LEF1: variants seen among roughly 807,000 people sequenced by gnomAD.
LEF1 encodes lymphoid enhancer-binding factor 1.
A neutral mutation model predicts 51.2 loss-of-function variants in LEF1; 14 were observed. The observed-to-expected ratio is 0.27, with a 90% confidence interval of 0.18 to 0.43. LEF1 has a LOEUF of 0.43. LEF1 is among the 20% of genes least tolerant of loss of function. The pLI is 1.00. For synonymous variants in LEF1, 185 were observed against 183.2 expected, an observed-to-expected ratio of 1.01 and a Z score of -0.08; for missense variants, 386 against 512.0, an observed-to-expected ratio of 0.75 and a Z score of 2.37.
chr4:108,069,181 C>A (rs1338052749), intron 9 of LEF1, among the ~76,000 whole-genome samples: 1 of 152,212 alleles, frequency 6.6e-6, no homozygotes, highest in Non-Finnish European at 1.5e-5. Context: ...CCTCACCAGA[C>A]ACCAAACCTG....
chr4:108,107,266 GTT>G (rs77205957), intron 3 of LEF1, among the ~76,000 whole-genome samples: 1 of 141,524 alleles, frequency 7.1e-6, no homozygotes, highest in African/African-American at 2.6e-5. Flanking sequence ...AGAGAAAGGT[GTT>G]TTTTTTTTTT....
chr4:108,064,655 TCACACACACACA>T (rs59828005), intron 9 of LEF1, among the ~76,000 whole-genome samples: 13 of 127,926 alleles, frequency 1.0e-4, no homozygotes, highest in South Asian at 2.9e-4. Context: ...TCTCTCTCAC[TCACACACACACA>T]CACACACACA....
chr4:108,161,320 A>C, intron 3 of LEF1, among the ~76,000 whole-genome samples: 1 of 152,260 alleles, frequency 6.6e-6, no homozygotes, highest in East Asian at 1.9e-4. Context: ...TGCAAACTGC[A>C]GAATATCTCA....
At chr4:108,158,934 A>T (rs1419956621) in intron 3 of LEF1, among the ~76,000 whole-genome samples, 2 of 152,108 alleles carry the variant, frequency 1.3e-5, no homozygotes, top group Non-Finnish European at 2.9e-5. Flanking sequence ...AATACTTCAA[A>T]AGCAAGATTT....
chr4:108,097,550 C>T (rs541622608), intron 3 of LEF1, among the ~76,000 whole-genome samples: 10 of 152,118 alleles, frequency 6.6e-5, no homozygotes, highest in South Asian at 4.2e-4. Context: ...AATAATTTAT[C>T]GTAAGTTTTA....
At chr4:108,127,812 C>T (rs1422584115) in intron 3 of LEF1, among the ~76,000 whole-genome samples, 1 of 152,114 alleles carries the variant, frequency 6.6e-6, no homozygotes, top group Non-Finnish European at 1.5e-5. Flanking sequence ...TTATGGGAAA[C>T]AGAAATTTAA....
At chr4:108,088,894 T>C (rs1410553821) in intron 4 of LEF1, among the ~76,000 whole-genome samples, 1 of 152,206 alleles carries the variant, frequency 6.6e-6, no homozygotes, top group Non-Finnish European at 1.5e-5. Context: ...TTTTCATTCA[T>C]TGTGGCCCTG....
chr4:108,062,509 G>A (rs1737763221), intron 11 of LEF1, among the ~76,000 whole-genome samples: 1 of 152,156 alleles, frequency 6.6e-6, no homozygotes. Flanking sequence ...GTGACTGGGG[G>A]CAAAGCTACA....
chr4:108,142,489 T>C (rs1314150015), intron 3 of LEF1, among the ~76,000 whole-genome samples: 1 of 152,240 alleles, frequency 6.6e-6, no homozygotes, highest in Non-Finnish European at 1.5e-5. Context: ...ACTAGTATCC[T>C]ATTTCTTAAA....
intron 3 of LEF1, among the ~76,000 whole-genome samples, chr4:108,157,148 T>TTCTCTC (rs141657105): frequency 6.3e-4 from 74 of 117,874 alleles, no homozygotes; most frequent in African/African-American, 2.2e-3. Flanking sequence ...TACCTCTTCA[T>TTCTCTC]TCTCTCTCTC....
At chr4:108,079,375 G>T (rs1739131545) in intron 7 of LEF1, 117 bp downstream of exon 7, 2 of 1,128,732 alleles carry the variant, frequency 1.8e-6, no homozygotes, top group African/African-American at 1.6e-5. Context: ...CAAGGCAGAG[G>T]TGCATTGAGT....
At position 108,167,351 on chromosome 4, in the gene LEF1, TACACACACACACACACACACACACAC is replaced by T. The variant is rs35000095; in HGVS notation, c.213+178_213+203del. Among the ~76,000 whole-genome samples the T allele has an allele frequency of 7.6e-6, 1 of 131,694 alleles. No homozygotes were observed. Among genetic ancestry groups the T allele is most frequent in the South Asian group, 2.8e-4 (1 of 3,546 alleles). The allele number at this position is 131,694 out of a possible 152,430, so 86.4% of individuals were successfully genotyped here. A position where few individuals can be genotyped will look rare whatever the true frequency, so the allele number is the denominator to read the frequency against. The stretch of plus-strand genomic sequence containing the variant: ...TACCCTGCCCCTCTACCTCCCATCC[TACACACACACACACACACACACACAC>T]ACACACACACACACACACTGCGGAC... On this transcript the variant is annotated intron_variant, in intron 1 of 11. Transcript: ENST00000265165. The surrounding 1 kb of genome is among the most constrained non-coding windows in gnomAD (Gnocchi z 5.7).
chr4:108,166,840 G>C (rs996587364), intron 1 of LEF1: 25 of 985,132 alleles, frequency 2.5e-5, no homozygotes, highest in African/African-American at 3.5e-5. Flanking sequence ...GAGAAAACTA[G>C]AGTTGGGGGC....
chr4:108,107,847 C>G (rs1180598887), intron 3 of LEF1, among the ~76,000 whole-genome samples: 4 of 152,012 alleles, frequency 2.6e-5, no homozygotes, highest in Non-Finnish European at 5.9e-5. Context: ...GAACAACAGA[C>G]AGAAAACCTA....
chr4:108,165,060 T>C, intron 2 of LEF1, 37 bp downstream of exon 2: 2 of 1,595,264 alleles, frequency 1.3e-6, no homozygotes, highest in Non-Finnish European at 1.7e-6. Flanking sequence ...GCACCCCTTA[T>C]CTGCTAAAGT....
chr4:108,084,100 G>T (rs973730792), intron 4 of LEF1, among the ~76,000 whole-genome samples: 4 of 152,136 alleles, frequency 2.6e-5, no homozygotes, highest in Non-Finnish European at 5.9e-5. Context: ...ATTGTTTCTT[G>T]AGCTCACAGT....
At chr4:108,115,529 C>T (rs981378908) in intron 3 of LEF1, among the ~76,000 whole-genome samples, 2 of 152,042 alleles carry the variant, frequency 1.3e-5, no homozygotes, top group Non-Finnish European at 2.9e-5. Flanking sequence ...TAGCTGATGC[C>T]ACAGAATAGA....
intron 11 of LEF1, among the ~76,000 whole-genome samples, chr4:108,058,259 T>A (rs1737437122): frequency 6.6e-6 from 1 of 152,192 alleles, no homozygotes; most frequent in Non-Finnish European, 1.5e-5. Context: ...TATCTAAAAA[T>A]ATCTTTTCAA....
At chr4:108,113,790 G>C (rs41500451) in intron 3 of LEF1, among the ~76,000 whole-genome samples, 3,984 of 152,250 alleles carry the variant, frequency 0.026, 157 homozygotes, top group African/African-American at 0.091. Context: ...GAAGCACTAT[G>C]TGGCTATTTC....
Sources: allele counts gnomAD v4.1 joint callset (sites outside exome capture counted in the v4.1 genomes callset), GRCh38; gene constraint gnomAD v4.1.1; non-coding constraint Gnocchi (gnomAD v3.1); transcripts MANE v1.5; gene names NCBI Gene and HGNC (gene_info 2026-07-23, HGNC 2026-07-21).